ZNF804B: variants seen among roughly 807,000 people sequenced by gnomAD.
The protein encoded by ZNF804B is zinc finger 804B.
ZNF804B carries 80 observed loss-of-function variants against 101.4 expected under a neutral mutation model. That is an observed-to-expected ratio of 0.79 (90% CI 0.66 to 0.95). The LOEUF (loss-of-function observed/expected upper bound fraction) is 0.95. Ranked by LOEUF, ZNF804B falls within the 40% of genes least tolerant of loss-of-function variation. The pLI, the probability that ZNF804B is intolerant of heterozygous loss-of-function variation, is 0.00. For missense variants in ZNF804B, 1,673 were observed against 1,561.9 expected, an observed-to-expected ratio of 1.07 and a Z score of -1.20; for synonymous variants, 622 against 558.8, an observed-to-expected ratio of 1.11 and a Z score of -1.59.
chr7:89,103,940 G>A (rs920863772), intron 1 of ZNF804B, among the ~76,000 whole-genome samples: 1 of 151,850 alleles, frequency 6.6e-6, no homozygotes, highest in South Asian at 2.1e-4. Context: ...AATCATGAAG[G>A]CATGTTTAAT....
At chr7:89,285,774 C>T (rs1383658055) in intron 2 of ZNF804B, among the ~76,000 whole-genome samples, 1 of 152,060 alleles carries the variant, frequency 6.6e-6, no homozygotes, top group East Asian at 1.9e-4. Flanking sequence ...ATCAGGACTT[C>T]CCTTATCCAC....
intron 1 of ZNF804B, among the ~76,000 whole-genome samples, chr7:88,791,050 C>T (rs766166741): frequency 1.3e-5 from 2 of 152,024 alleles, no homozygotes; most frequent in Non-Finnish European, 2.9e-5. Context: ...TGTTCAGTGA[C>T]AGCAGATCTG....
At chr7:89,087,466 T>C (rs558446632) in intron 1 of ZNF804B, among the ~76,000 whole-genome samples, 1 of 152,134 alleles carries the variant, frequency 6.6e-6, no homozygotes, top group South Asian at 2.1e-4. Flanking sequence ...ATATTAACAT[T>C]AATAACACAT....
In ZNF804B at chr7:89,072,344, C is replaced by T. The variant is rs916132072; in HGVS notation, c.109-145811C>T. 6.6e-5 allele frequency among the ~76,000 whole-genome samples: 10 copies of T among 152,306 alleles called. No homozygotes were observed. The South Asian group carries it at 1.5e-3, about 22-fold the overall frequency. ...TAGGAATCAAGACTAGTTGAAATTA[C>T]TATGCCTTATTTTCCTCTTTTGGTT... is the stretch of plus-strand genomic sequence containing the variant. On this transcript the variant is annotated intron_variant, in intron 1 of 3. Coordinates refer to ENST00000333190, the MANE Select transcript of ZNF804B (RefSeq NM_181646.5).
intron 1 of ZNF804B, among the ~76,000 whole-genome samples, chr7:88,787,521 GCA>G (rs1790320340): frequency 6.6e-6 from 1 of 152,126 alleles, no homozygotes. Context: ...GATGAGGTTT[GCA>G]CAGTTTTGTT....
chr7:88,815,108 C>A (rs1340580069), intron 1 of ZNF804B, among the ~76,000 whole-genome samples: 5 of 147,742 alleles, frequency 3.4e-5, no homozygotes, highest in Non-Finnish European at 7.4e-5. Context: ...TATGTATATT[C>A]TCACATATAT....
intron 1 of ZNF804B, among the ~76,000 whole-genome samples, chr7:89,133,257 C>T (rs994556045): frequency 6.6e-6 from 1 of 151,940 alleles, no homozygotes; most frequent in Admixed American, 6.6e-5. Context: ...GATTGGTTCA[C>T]CACAAATTTT....
chr7:88,937,121 A>AAG (rs1792984392), intron 1 of ZNF804B, among the ~76,000 whole-genome samples: 1 of 149,836 alleles, frequency 6.7e-6, no homozygotes. Flanking sequence ...ATAGCAAAAA[A>AAG]AAAAAAAAAA....
chr7:88,872,927 T>C lies in ZNF804B; in HGVS notation c.108+112843T>C, dbSNP rs371882079. Among the ~76,000 whole-genome samples the C allele has an allele frequency of 1.8e-3, 278 of 150,924 alleles. 2 individuals are homozygous for C. Among genetic ancestry groups the C allele is most frequent in the African/African-American group, 6.5e-3 (267 of 40,942 alleles). On this transcript the variant is annotated intron_variant, in intron 1 of 3. Coordinates refer to ENST00000333190, the MANE Select transcript of ZNF804B (RefSeq NM_181646.5). ...CTATTGTGAATAATGCCGCAATAAA[T>C]ATACGTGTGCATGTGTCTTTATAGC...
In ZNF804B at chr7:89,177,499, G is replaced by A. The variant is rs140896642; in HGVS notation, c.109-40656G>A. ...TACTTGATGTGATTTCCATTTTTTC[G>A]AATGTTTTAATGCTCGTTTTGTGGC... is the stretch of plus-strand genomic sequence containing the variant. On this transcript the variant is annotated intron_variant, in intron 1 of 3. Coordinates refer to ENST00000333190, the MANE Select transcript of ZNF804B (RefSeq NM_181646.5). Among the ~76,000 whole-genome samples the A allele has an allele frequency of 4.5e-3, 679 of 151,974 alleles. 7 individuals are homozygous for A. The highest frequency in any genetic ancestry group is 0.015 in the African/African-American group (642 of 41,472).
At chr7:89,134,681 G>C (rs1164171607) in intron 1 of ZNF804B, among the ~76,000 whole-genome samples, 2 of 152,074 alleles carry the variant, frequency 1.3e-5, no homozygotes, top group Non-Finnish European at 2.9e-5. Flanking sequence ...TTGCAGCATA[G>C]TTCTGGAAGA....
In ZNF804B at chr7:89,306,601, G is replaced by A. The variant is rs533798480; in HGVS notation, c.250-20743G>A. Among the ~76,000 whole-genome samples the A allele has an allele frequency of 2.6e-5, 4 of 152,114 alleles. 1 individual carries two copies. In the East Asian group the frequency reaches 7.7e-4, roughly 29 times the overall value. Reference sequence around the variant, plus strand: ...CTGATACTTTAGCACTGAGTTTGATGAATTCTGCTCTATACTCAAATATTT... The same window carrying A: ...CTGATACTTTAGCACTGAGTTTGATAAATTCTGCTCTATACTCAAATATTT... On this transcript the variant is annotated intron_variant, in intron 2 of 3. Coordinates refer to ENST00000333190, the MANE Select transcript of ZNF804B (RefSeq NM_181646.5).
intron 1 of ZNF804B, among the ~76,000 whole-genome samples, chr7:89,077,695 C>T (rs1226799531): frequency 6.6e-6 from 1 of 152,094 alleles, no homozygotes; most frequent in Admixed American, 6.6e-5. Flanking sequence ...TAAAATGTTG[C>T]TTCTTCCTAA....
At chr7:88,768,748 T>C (rs890533124) in intron 1 of ZNF804B, among the ~76,000 whole-genome samples, 2 of 152,106 alleles carry the variant, frequency 1.3e-5, no homozygotes, top group Non-Finnish European at 2.9e-5. Context: ...TTACAAATAC[T>C]GATTTTTATG....
At chr7:89,196,526 A>T (rs1033841779) in intron 1 of ZNF804B, among the ~76,000 whole-genome samples, 10 of 151,918 alleles carry the variant, frequency 6.6e-5, no homozygotes, top group African/African-American at 2.4e-4. Flanking sequence ...ATAAAAACCC[A>T]GGAGAAAATC....
At chr7:88,858,676 G>T (rs1002903580) in intron 1 of ZNF804B, among the ~76,000 whole-genome samples, 1 of 152,062 alleles carries the variant, frequency 6.6e-6, no homozygotes, top group Non-Finnish European at 1.5e-5. Context: ...TTAACAGAAA[G>T]GCCATAATGA....
intron 2 of ZNF804B, among the ~76,000 whole-genome samples, chr7:89,234,325 G>A (rs1179874303): frequency 6.6e-6 from 1 of 151,674 alleles, no homozygotes; most frequent in African/African-American, 2.4e-5. Context: ...TAAATGGGAG[G>A]AAGTGTATTA....
At chr7:88,782,460 T>C (rs1219736178) in intron 1 of ZNF804B, among the ~76,000 whole-genome samples, 1 of 152,082 alleles carries the variant, frequency 6.6e-6, no homozygotes, top group African/African-American at 2.4e-5. Context: ...TATATACATA[T>C]ATGTATATAC....
At chr7:88,917,450 T>A (rs1792653103) in intron 1 of ZNF804B, among the ~76,000 whole-genome samples, 1 of 152,144 alleles carries the variant, frequency 6.6e-6, no homozygotes, top group African/African-American at 2.4e-5. Context: ...AACATTTCTG[T>A]CATGAACCTT....
Sources: gnomAD v4.1 joint callset for allele counts (sites outside exome capture counted in the v4.1 genomes callset) on GRCh38, gnomAD v4.1.1 for gene constraint, MANE v1.5 for transcripts, NCBI Gene and HGNC (gene_info 2026-07-23, HGNC 2026-07-21) for gene names.